Variants in MED12L observed in about 807,000 individuals in gnomAD.
MED12L encodes the protein mediator complex subunit 12L, also known as mediator of RNA polymerase II transcription subunit 12-like protein.
MED12L carries 60 observed loss-of-function variants against 281.3 expected under a neutral mutation model. That is an observed-to-expected ratio of 0.21 (90% CI 0.17 to 0.26). The LOEUF (loss-of-function observed/expected upper bound fraction) is 0.26, where lower values mean the gene tolerates loss of function less well. MED12L is among the 10% of genes least tolerant of loss of function. The pLI, the probability that MED12L is intolerant of heterozygous loss-of-function variation, is 1.00. For synonymous variants in MED12L, 974 were observed against 987.2 expected, an observed-to-expected ratio of 0.99 and a Z score of 0.25; for missense variants, 2,146 against 2,680.9, an observed-to-expected ratio of 0.80 and a Z score of 4.41.
chr3:151,334,041 C>T (rs1241493224), intron 16 of MED12L, among the ~76,000 whole-genome samples: 1 of 151,844 alleles, frequency 6.6e-6, no homozygotes, highest in Non-Finnish European at 1.5e-5. Context: ...CATGTCACTG[C>T]ACTCCAGCCT....
chr3:151,328,830 A>T, intron 16 of MED12L: 1 of 1,613,974 alleles, frequency 6.2e-7, no homozygotes, highest in South Asian at 1.1e-5. Context: ...ATGAAGGTGG[A>T]GGAGCTGGGG....
rs572339485 is a variant in MED12L, at chr3:151,242,266, C to T, written c.2250+48600C>T. Among the ~76,000 whole-genome samples the T allele has an allele frequency of 7.9e-3, 1,200 of 152,348 alleles. 30 individuals carry two copies. Among genetic ancestry groups the T allele is most frequent in the Admixed American group, 0.051 (787 of 15,302 alleles). On this transcript the variant is annotated intron_variant, in intron 16 of 44. Transcript: ENST00000687756. ...GCCGGGAAGCTCAAACTGGGCGGAG[C>T]CCACCACAGCTCAAGGAGGCCTGCC...
chr3:151,165,743 T>G (rs1553819523), intron 10 of MED12L, 103 bp from the exon 11 acceptor site: 3 of 1,260,456 alleles, frequency 2.4e-6, no homozygotes, highest in Non-Finnish European at 3.4e-6. Flanking sequence ...GAATGATAAT[T>G]AAAAAAAAAT....
intron 16 of MED12L, among the ~76,000 whole-genome samples, chr3:151,319,015 A>C (rs1476276816): frequency 6.6e-6 from 1 of 152,070 alleles, no homozygotes; most frequent in Non-Finnish European, 1.5e-5. Flanking sequence ...GGAGTGTTTC[A>C]GTGTTTCGTT....
At chr3:151,366,473 T>C (rs1755286648) in intron 23 of MED12L, among the ~76,000 whole-genome samples, 1 of 152,210 alleles carries the variant, frequency 6.6e-6, no homozygotes, top group Admixed American at 6.5e-5. Context: ...GTCCGGTGTT[T>C]TTTGGCAATT....
Position 151,185,310 on chromosome 3 carries a change from C to T in MED12L, c.1495-20C>T, listed in dbSNP as rs765649932. 7.5e-6 allele frequency: 12 copies of T among 1,610,688 alleles called. No homozygotes were observed. The East Asian group carries it at 2.7e-4, about 36-fold the overall frequency. ...ATGTTTCATTTGATGTGGCTGGTAC[C>T]CCTCTCTGTTGGTCATTAGGTTGCG... On this transcript the variant is annotated intron_variant, in intron 11 of 44. Coordinates refer to ENST00000687756, the MANE Select transcript of MED12L (RefSeq NM_001393769.1).
chr3:151,195,186 T>A (rs1238062900), intron 16 of MED12L, among the ~76,000 whole-genome samples: 1 of 152,142 alleles, frequency 6.6e-6, no homozygotes. Context: ...TAATTGTAGA[T>A]GTATTACGTT....
chr3:151,254,005 T>C (rs1170385119), intron 16 of MED12L, among the ~76,000 whole-genome samples: 1 of 151,414 alleles, frequency 6.6e-6, no homozygotes, highest in East Asian at 1.9e-4. Flanking sequence ...TCTTGTTTTT[T>C]TTTTTTGTTA....
At position 151,334,192 on chromosome 3, in the gene MED12L, C is replaced by CTTTTTTTTTTTTTTTTTTTTTTTTTTTTT. The variant is rs71848482; in HGVS notation, c.2251-15864_2251-15863insTTTTTTTTTTTTTTTTTTTTTTTTTTTTT. ...GATGTTATGTGTTTTTTCTTTCTTT[C>CTTTTTTTTTTTTTTTTTTTTTTTTTTTTT]TTTCTTTTTTTTTTTGCCATTTCTA... is the stretch of plus-strand genomic sequence containing the variant. On this transcript the variant is annotated intron_variant, in intron 16 of 44. Transcript: ENST00000687756. Among the ~76,000 whole-genome samples, 152 of 99,410 alleles carry CTTTTTTTTTTTTTTTTTTTTTTTTTTTTT rather than the reference C, an allele frequency of 1.5e-3. 17 individuals carry two copies. Among genetic ancestry groups the CTTTTTTTTTTTTTTTTTTTTTTTTTTTTT allele is most frequent in the African/African-American group, 2.6e-3 (65 of 25,158 alleles). The allele number at this position is 99,410 out of a possible 152,430, so 65.2% of individuals were successfully genotyped here.
chr3:151,391,813 A>G (rs1015218248), intron 38 of MED12L, among the ~76,000 whole-genome samples: 8 of 152,224 alleles, frequency 5.3e-5, no homozygotes, highest in African/African-American at 1.9e-4. Context: ...TCACTGCAGT[A>G]TCCCCAGAAC....
chr3:151,109,600 A>G (rs1188485483), intron 2 of MED12L, among the ~76,000 whole-genome samples: 2 of 152,106 alleles, frequency 1.3e-5, no homozygotes, highest in Non-Finnish European at 2.9e-5. Context: ...GTGCACTGCT[A>G]CTCTGGGCCG....
chr3:151,301,315 C>A (rs1745888165), intron 16 of MED12L, among the ~76,000 whole-genome samples: 1 of 152,162 alleles, frequency 6.6e-6, no homozygotes, highest in African/African-American at 2.4e-5. Context: ...AATCCAGTTT[C>A]TCATGGAAAC....
intron 16 of MED12L, among the ~76,000 whole-genome samples, chr3:151,301,058 C>T (rs766671760): frequency 5.9e-5 from 9 of 152,062 alleles, no homozygotes; most frequent in Admixed American, 1.3e-4. Flanking sequence ...TGAACAGCTC[C>T]GGTATGTGGT....
chr3:151,238,916 G>A (rs763116867), intron 16 of MED12L, among the ~76,000 whole-genome samples: 16 of 152,102 alleles, frequency 1.1e-4, no homozygotes, highest in Non-Finnish European at 2.1e-4. Flanking sequence ...TTACTTGATC[G>A]AATGACAAAC....
At chr3:151,403,025 T>C (rs865912983) in intron 39 of MED12L, among the ~76,000 whole-genome samples, 2 of 133,268 alleles carry the variant, frequency 1.5e-5, no homozygotes, top group Middle Eastern at 3.6e-3. Flanking sequence ...TTTTCTTTTT[T>C]CTTTTTTTTT....
intron 2 of MED12L, among the ~76,000 whole-genome samples, chr3:151,098,086 C>T (rs995870921): frequency 6.6e-5 from 10 of 152,078 alleles, no homozygotes; most frequent in African/African-American, 2.4e-4. Context: ...CCGCATGGTG[C>T]GGGGCATCCA....
intron 16 of MED12L, chr3:151,328,587 G>C (rs147188000): frequency 6.2e-7 from 1 of 1,613,514 alleles, no homozygotes; most frequent in Non-Finnish European, 8.5e-7. Context: ...GCAAAAACAG[G>C]TTTTTTTAGA....
intron 16 of MED12L, among the ~76,000 whole-genome samples, chr3:151,335,650 ATAT>A (rs1750882696): frequency 1.3e-5 from 2 of 152,156 alleles, no homozygotes; most frequent in Non-Finnish European, 2.9e-5. Flanking sequence ...GGGTTAATAT[ATAT>A]TAATATGCCA....
intron 2 of MED12L, among the ~76,000 whole-genome samples, chr3:151,101,205 T>TTTTA (rs1168671825): frequency 1.3e-5 from 2 of 152,186 alleles, no homozygotes; most frequent in Non-Finnish European, 2.9e-5. Context: ...AATTCATTAG[T>TTTTA]TTTATTTATT....
Sources: gnomAD v4.1 joint callset for allele counts (sites outside exome capture counted in the v4.1 genomes callset) on GRCh38, gnomAD v4.1.1 for gene constraint, MANE v1.5 for transcripts, NCBI Gene and HGNC (gene_info 2026-07-23, HGNC 2026-07-21) for gene names.